Variants in CSNK2A2 observed in about 807,000 individuals in gnomAD.
CSNK2A2 encodes casein kinase II subunit alpha'.
CSNK2A2 carries 8 observed loss-of-function variants against 54.0 expected under a neutral mutation model. The observed-to-expected ratio is 0.15, with a 90% CI of 0.09 to 0.27. The LOEUF (loss-of-function observed/expected upper bound fraction) is 0.27. Ranked by LOEUF, CSNK2A2 falls within the 10% of genes least tolerant of loss-of-function variation. CSNK2A2 has a pLI of 1.00. For synonymous variants in CSNK2A2, 141 were observed against 153.9 expected (o/e 0.92, Z 0.62); for missense variants, 242 against 439.4 (o/e 0.55, Z 4.02).
At chr16:58,183,291 C>T (rs1378406733) in intron 4 of CSNK2A2, among the ~76,000 whole-genome samples, 2 of 151,540 alleles carry the variant, frequency 1.3e-5, no homozygotes, top group African/African-American at 4.9e-5. Context: ...GCAGGAGAAT[C>T]GCTTGAACCC....
chr16:58,194,488 A>G (rs1962384068), intron 2 of CSNK2A2, among the ~76,000 whole-genome samples: 1 of 152,224 alleles, frequency 6.6e-6, no homozygotes, highest in African/African-American at 2.4e-5. Context: ...TAAAGAAGTG[A>G]GTCTAATTTT....
intron 3 of CSNK2A2, among the ~76,000 whole-genome samples, chr16:58,185,458 TAACAA>T (rs1232764009): frequency 2.0e-5 from 3 of 152,134 alleles, no homozygotes; most frequent in African/African-American, 7.2e-5. Flanking sequence ...ACACATACTT[TAACAA>T]ATTAAGTTCT....
intron 5 of CSNK2A2, among the ~76,000 whole-genome samples, chr16:58,169,602 G>A (rs528394943): frequency 3.9e-5 from 6 of 152,194 alleles, no homozygotes; most frequent in South Asian, 4.2e-4. Flanking sequence ...ATGGTTCAAA[G>A]GACAGACCAG....
intron 11 of CSNK2A2, 117 bp from the exon 12 acceptor site, chr16:58,158,470 C>T (rs1392860798): frequency 6.6e-6 from 1 of 152,350 alleles, no homozygotes; most frequent in African/African-American, 2.4e-5. Flanking sequence ...TCCCATGCCA[C>T]TTGGTGGAGA....
In CSNK2A2 at chr16:58,158,084, T is replaced by C. The variant is rs1457133716; in HGVS notation, c.*287A>G. 1 of 152,598 alleles carries C rather than the reference T, an allele frequency of 6.6e-6. No individual in the cohort carries two copies. The highest frequency in any genetic ancestry group is 1.9e-4 in the East Asian group (1 of 5,186). 9.5% of individuals were successfully genotyped at this position (152,598 alleles called of 1,614,324 possible). On this transcript the variant is annotated 3_prime_UTR_variant, in exon 12 of 12. Transcript: ENST00000262506. ...AGTCGAGGGGCTCGGGGAGCAACAG[T>C]AACCAACAACATTCTGCATACCCTT...
intron 2 of CSNK2A2, among the ~76,000 whole-genome samples, chr16:58,189,608 A>T (rs959779306): frequency 6.6e-6 from 1 of 152,228 alleles, no homozygotes; most frequent in African/African-American, 2.4e-5. Context: ...TATCTGGCAT[A>T]GCAACTGAAG....
intron 8 of CSNK2A2, 28 bp downstream of exon 8, chr16:58,167,179 A>C (rs757651099): frequency 1.5e-5 from 23 of 1,563,034 alleles, no homozygotes; most frequent in Non-Finnish European, 2.0e-5. Flanking sequence ...ACCCCCAAAT[A>C]AATAAGAACC....
At chr16:58,183,699 C>T (rs530786256) in intron 4 of CSNK2A2, among the ~76,000 whole-genome samples, 5 of 152,044 alleles carry the variant, frequency 3.3e-5, no homozygotes, top group African/African-American at 7.2e-5. Flanking sequence ...TTGTGAAACA[C>T]GAGCTTAAAA....
At chr16:58,196,930 A>G in intron 1 of CSNK2A2, 86 bp from the exon 2 acceptor site, 1 of 832,272 alleles carries the variant, frequency 1.2e-6, no homozygotes, top group Non-Finnish European at 2.1e-6. Flanking sequence ...AGCCGCTTCC[A>G]CCAGGCAAAC....
intron 4 of CSNK2A2, among the ~76,000 whole-genome samples, chr16:58,180,826 C>A (rs146895714): frequency 6.6e-6 from 1 of 152,090 alleles, no homozygotes; most frequent in Non-Finnish European, 1.5e-5. Context: ...ATCTTAAAAC[C>A]AGTTATTAAT....
intron 5 of CSNK2A2, 124 bp downstream of exon 5, chr16:58,174,326 TA>T (rs1345054616): frequency 2.2e-5 from 15 of 673,532 alleles, no homozygotes; most frequent in Non-Finnish European, 3.4e-5. Context: ...AATATAAGTT[TA>T]AAAACTTCAC....
rs76894856 is a variant in CSNK2A2, at chr16:58,187,253, C to A, written c.217-397G>T. Among the ~76,000 whole-genome samples, 1,058 of 151,946 alleles carry A rather than the reference C, an allele frequency of 7.0e-3. 14 individuals are homozygous for A. Among genetic ancestry groups the A allele is most frequent in the African/African-American group, 0.024 (1,007 of 41,450 alleles). ...CTGAAACAAAATGGTGAGACACCTG[C>A]TCTTCCAATGAGTTACATGTAATTT... On this transcript the variant is annotated intron_variant, in intron 2 of 11. Coordinates refer to ENST00000262506, the MANE Select transcript of CSNK2A2 (RefSeq NM_001896.4).
At chr16:58,190,301 G>A (rs559441061) in intron 2 of CSNK2A2, among the ~76,000 whole-genome samples, 12 of 152,056 alleles carry the variant, frequency 7.9e-5, no homozygotes, top group Non-Finnish European at 1.5e-4. Flanking sequence ...TTCAAGACAG[G>A]CAGGAACATA....
At chr16:58,194,091 CA>C (rs990307228) in intron 2 of CSNK2A2, among the ~76,000 whole-genome samples, 2 of 152,206 alleles carry the variant, frequency 1.3e-5, no homozygotes, top group Non-Finnish European at 2.9e-5. Flanking sequence ...TTACTGACTA[CA>C]AAAGTAAGAC....
chr16:58,179,264 C>T (rs1961961641), intron 4 of CSNK2A2, among the ~76,000 whole-genome samples: 1 of 152,030 alleles, frequency 6.6e-6, no homozygotes, highest in African/African-American at 2.4e-5. Flanking sequence ...CTTTGGGAGG[C>T]CAAGGTGGGC....
intron 2 of CSNK2A2, among the ~76,000 whole-genome samples, chr16:58,192,445 G>GT (rs1316969703): frequency 7.3e-6 from 1 of 136,662 alleles, no homozygotes; most frequent in East Asian, 2.0e-4. Flanking sequence ...AACTCTATGG[G>GT]TTAAAAAAAA....
intron 5 of CSNK2A2, among the ~76,000 whole-genome samples, chr16:58,172,382 ACCT>A (rs1961768328): frequency 2.0e-5 from 3 of 152,104 alleles, no homozygotes; most frequent in African/African-American, 7.2e-5. Context: ...GTGAGGGCAG[ACCT>A]CCTTGAATCT....
chr16:58,164,225 A>T, intron 10 of CSNK2A2, 78 bp from the exon 11 acceptor site: 1 of 1,360,434 alleles, frequency 7.4e-7, no homozygotes, highest in Non-Finnish European at 1.0e-6. Context: ...CCACCCTTTC[A>T]ACGGAAAGAG....
chr16:58,167,401 G>T, intron 7 of CSNK2A2, 93 bp from the exon 8 acceptor site: 1 of 870,584 alleles, frequency 1.1e-6, no homozygotes, highest in South Asian at 1.9e-5. Flanking sequence ...GGCGTGTTCA[G>T]GGTGGTATGG....
Sources: gnomAD v4.1 joint callset for allele counts (sites outside exome capture counted in the v4.1 genomes callset) on GRCh38, gnomAD v4.1.1 for gene constraint, MANE v1.5 for transcripts, NCBI Gene and HGNC (gene_info 2026-07-23, HGNC 2026-07-21) for gene names.